The following SASH1 variants were observed in gnomAD, a reference collection of about 807,000 sequenced individuals.
SASH1 encodes SAM and SH3 domain-containing protein 1.
A neutral mutation model predicts 125.2 loss-of-function variants in SASH1; 44 were observed. The observed-to-expected ratio is 0.35, with a 90% confidence interval of 0.28 to 0.45. The LOEUF is 0.45. SASH1 is among the 20% of genes least tolerant of loss of function. SASH1 has a pLI of 1.00. For synonymous variants in SASH1, 639 were observed against 649.1 expected (o/e 0.98, Z 0.24); for missense variants, 1,426 against 1,614.5 (o/e 0.88, Z 2.00).
upstream of SASH1, among the ~76,000 whole-genome samples, chr6:148,267,894 GT>G (rs1778982571): frequency 6.6e-6 from 1 of 152,212 alleles, no homozygotes; most frequent in African/African-American, 2.4e-5. Context: ...GAGAAACAAT[GT>G]GTTGAATCAT....
chr6:148,463,682 G>T (rs1777717428), intron 4 of SASH1, among the ~76,000 whole-genome samples: 1 of 151,982 alleles, frequency 6.6e-6, no homozygotes, highest in South Asian at 2.1e-4. Flanking sequence ...CTTATCTGCA[G>T]CTCTAGACTC....
At chr6:148,207,866 C>A in the SASH1 span, among the ~76,000 whole-genome samples, 1 of 152,162 alleles carries the variant, frequency 6.6e-6, no homozygotes, top group Non-Finnish European at 1.5e-5. Flanking sequence ...CTTGAGCTGG[C>A]TTGAGTCCCC....
rs560467332 is a variant in SASH1 at position 148,532,553 on chromosome 6, G to C, written c.1565-244G>C. 1.6e-3 allele frequency among the ~76,000 whole-genome samples: 250 copies of C among 152,238 alleles called. 1 individual carries two copies. The highest frequency in any genetic ancestry group is 5.9e-3 in the African/African-American group (246 of 41,536). ...CAGTGTCCTCCACGCGGGATCCTCC[G>C]TGCCACATGGATTCCCAGGTCATGA... On this transcript the variant is annotated intron_variant, in intron 13 of 19. Coordinates refer to ENST00000367467, the MANE Select transcript of SASH1 (RefSeq NM_015278.5). This position sits in a 1 kb window ranked among gnomAD's most constrained non-coding sequence, Gnocchi z 4.7.
At chr6:148,274,586 A>G (rs954932745) in intron 1 of SASH1, among the ~76,000 whole-genome samples, 6 of 152,238 alleles carry the variant, frequency 3.9e-5, no homozygotes, top group African/African-American at 1.4e-4. Context: ...TCAGACAGAA[A>G]GGGGAATTAT....
At chr6:148,387,562 TTTTCTCTTTCTTTCTTTCTTTCTTTC>T (rs1562370775) in intron 1 of SASH1, among the ~76,000 whole-genome samples, 1 of 146,862 alleles carries the variant, frequency 6.8e-6, no homozygotes, top group African/African-American at 2.5e-5. Context: ...CCTTTCTTTC[TTTTCTCTTTCTTTCTTTCTTTCTTTC>T]TTTCTTTCTT....
At chr6:148,357,924 G>A (rs900221415) in intron 1 of SASH1, among the ~76,000 whole-genome samples, 6 of 151,876 alleles carry the variant, frequency 4.0e-5, no homozygotes, top group African/African-American at 1.5e-4. Flanking sequence ...GCCCGGTGTG[G>A]TGGCATGTGC....
intron 1 of SASH1, among the ~76,000 whole-genome samples, chr6:148,326,380 T>TATATATATATA (rs1780825558): frequency 2.3e-5 from 1 of 44,390 alleles, no homozygotes; most frequent in African/African-American, 8.8e-5. Flanking sequence ...ATATACATTC[T>TATATATATATA]TTTCTTTTCT....
At chr6:148,504,831 G>C (rs1203961177) in intron 8 of SASH1, among the ~76,000 whole-genome samples, 1 of 152,174 alleles carries the variant, frequency 6.6e-6, no homozygotes, top group Non-Finnish European at 1.5e-5. Context: ...CGAGTATCTT[G>C]ATAAATACCT....
intron 2 of SASH1, among the ~76,000 whole-genome samples, chr6:148,402,161 C>T (rs1333930059): frequency 6.6e-6 from 1 of 152,152 alleles, no homozygotes; most frequent in Non-Finnish European, 1.5e-5. Flanking sequence ...CATCATTGAT[C>T]ATCAGTTTCA....
chr6:148,422,970 C>T (rs920960630), intron 2 of SASH1, among the ~76,000 whole-genome samples: 20 of 152,266 alleles, frequency 1.3e-4, no homozygotes, highest in African/African-American at 2.6e-4. Context: ...GATGGAGTCT[C>T]GCTCTGTCGC....
intron 1 of SASH1, among the ~76,000 whole-genome samples, chr6:148,290,183 C>G (rs1414914190): frequency 5.9e-5 from 9 of 151,386 alleles, no homozygotes; most frequent in Admixed American, 4.6e-4. Context: ...TGAGGGAAAT[C>G]TCAGTGTTAA....
chr6:148,454,264 C>G (rs1777235314), intron 4 of SASH1, among the ~76,000 whole-genome samples: 1 of 152,160 alleles, frequency 6.6e-6, no homozygotes, highest in Non-Finnish European at 1.5e-5. Context: ...GCTGCTGCCC[C>G]ATGCCAGCCC....
At chr6:148,471,062 G>T (rs1778084258) in intron 5 of SASH1, among the ~76,000 whole-genome samples, 1 of 151,842 alleles carries the variant, frequency 6.6e-6, no homozygotes, top group African/African-American at 2.4e-5. Context: ...AATAATTGTG[G>T]CTAAGACCAA....
chr6:148,276,042 G>A (rs1779174239), intron 1 of SASH1, among the ~76,000 whole-genome samples: 1 of 152,160 alleles, frequency 6.6e-6, no homozygotes, highest in Non-Finnish European at 1.5e-5. Flanking sequence ...TTTTGTGTGG[G>A]AGGAATTATG....
the SASH1 span, among the ~76,000 whole-genome samples, chr6:148,193,926 G>T: frequency 6.6e-5 from 10 of 152,098 alleles, no homozygotes; most frequent in Non-Finnish European, 1.5e-5. Flanking sequence ...ATTATTCTAA[G>T]GTAGATTTTT....
rs57183555 is a variant in SASH1, at chr6:148,356,494, C to CTTTTTTTTTTTTTTTTTTTT, written c.156+13272_156+13291dup. Among the ~76,000 whole-genome samples, 16 of 116,260 alleles carry CTTTTTTTTTTTTTTTTTTTT rather than the reference C, an allele frequency of 1.4e-4. 1 individual carries two copies. The highest frequency in any genetic ancestry group is 2.9e-4 in the East Asian group (1 of 3,448). 76.3% of individuals were successfully genotyped at this position (116,260 alleles called of 152,430 possible). ...TCAAATGGTAGATCTACTTTTAGTTCTTTTTTTTTTTTTTTTTTTTGAGAC... is the reference window on the plus strand; with the variant it reads ...TCAAATGGTAGATCTACTTTTAGTTCTTTTTTTTTTTTTTTTTTTTTTTTTTTTTTTTTTTTTTTTGAGAC... On this transcript the variant is annotated intron_variant, in intron 1 of 19. Coordinates refer to ENST00000367467, the MANE Select transcript of SASH1 (RefSeq NM_015278.5).
chr6:148,308,273 CG>C (rs975746707), intron 1 of SASH1, among the ~76,000 whole-genome samples: 10 of 140,278 alleles, frequency 7.1e-5, no homozygotes, highest in Admixed American at 7.2e-5. Flanking sequence ...ATATTAAATC[CG>C]CCCCCCCCAA....
chr6:148,358,738 T>TTG (rs1554242386), intron 1 of SASH1, among the ~76,000 whole-genome samples: 3 of 142,956 alleles, frequency 2.1e-5, no homozygotes, highest in Non-Finnish European at 4.6e-5. Context: ...TTTTTGTTTT[T>TTG]TTTTTTTTTT....
At chr6:148,421,219 G>A (rs904514342) in intron 2 of SASH1, among the ~76,000 whole-genome samples, 9 of 147,762 alleles carry the variant, frequency 6.1e-5, no homozygotes, top group Non-Finnish European at 1.2e-4. Flanking sequence ...GAAAGAAAAA[G>A]AAAGAAAGAA....
Sources: gnomAD v4.1 joint callset for allele counts (sites outside exome capture counted in the v4.1 genomes callset) on GRCh38, gnomAD v4.1.1 for gene constraint, Gnocchi (gnomAD v3.1) non-coding constraint, MANE v1.5 for transcripts, NCBI Gene and HGNC (gene_info 2026-07-23, HGNC 2026-07-21) for gene names.